AGAP1: variants seen among roughly 807,000 people sequenced by gnomAD.
AGAP1 encodes the protein arf-GAP with GTPase, ANK repeat and PH domain-containing protein 1.
Under a neutral mutation model 105.3 loss-of-function variants are expected in AGAP1, and 29 were observed. That is an observed-to-expected ratio of 0.28 (90% CI 0.21 to 0.38). AGAP1 has a LOEUF of 0.38. AGAP1 is among the 10% of genes least tolerant of loss of function. The probability of loss-of-function intolerance (pLI) is 1.00; values close to 1 mark genes in which losing one functional copy is unlikely to be tolerated. For missense variants in AGAP1, 998 were observed against 1,165.1 expected (o/e 0.86, Z 2.09); for synonymous variants, 509 against 485.9 (o/e 1.05, Z -0.63).
In AGAP1 at chr2:235,787,399, T is replaced by G. The variant is rs1230163501; in HGVS notation, c.674-10360T>G. On this transcript the variant is annotated intron_variant, in intron 6 of 17. Transcript: ENST00000304032. This position sits in a 1 kb window ranked among gnomAD's most constrained non-coding sequence, Gnocchi z 4.4. ...TTTCTCAGTATTTCCCCCTTGCAGA[T>G]TATTCCTTCTTTGTCTGCATCATAG... 1.3e-5 allele frequency among the ~76,000 whole-genome samples: 2 copies of G among 152,240 alleles called. No homozygotes were observed. Among genetic ancestry groups the G allele is most frequent in the African/African-American group, 4.8e-5 (2 of 41,460 alleles).
intron 15 of AGAP1, among the ~76,000 whole-genome samples, chr2:236,048,144 T>C (rs2057778666): frequency 6.6e-6 from 1 of 152,190 alleles, no homozygotes; most frequent in Non-Finnish European, 1.5e-5. Flanking sequence ...GAGTAAGCCG[T>C]ATTTACTTAA....
chr2:235,837,093 C>G (rs975469143), intron 9 of AGAP1, among the ~76,000 whole-genome samples: 1 of 152,216 alleles, frequency 6.6e-6, no homozygotes, highest in Non-Finnish European at 1.5e-5. Flanking sequence ...TCAAGAGATT[C>G]TCCTGCCTCA....
rs183214591 is a variant in AGAP1, at chr2:236,009,571, G to A, written c.1646-26990G>A. Among the ~76,000 whole-genome samples the A allele has an allele frequency of 6.6e-6, 1 of 152,308 alleles. No individual in the cohort carries two copies. The highest frequency in any genetic ancestry group is 1.9e-4 in the East Asian group (1 of 5,188). On this transcript the variant is annotated intron_variant, in intron 13 of 17. Transcript: ENST00000304032. The surrounding 1 kb of genome is among the most constrained non-coding windows in gnomAD (Gnocchi z 4.2). ...CAAGGTGATCATTTGACTTTTCTTAGAGGTACAAATTTACGCTCCCTTCTA... is the reference window on the plus strand; with the variant it reads ...CAAGGTGATCATTTGACTTTTCTTAAAGGTACAAATTTACGCTCCCTTCTA...
intron 13 of AGAP1, among the ~76,000 whole-genome samples, chr2:236,010,306 A>C (rs1157149183): frequency 1.3e-5 from 2 of 152,230 alleles, no homozygotes; most frequent in African/African-American, 2.4e-5. Context: ...AGAAAGACGT[A>C]GTAAGCTGCA....
chr2:235,812,198 G>T (rs1479022888), intron 9 of AGAP1, among the ~76,000 whole-genome samples: 1 of 151,922 alleles, frequency 6.6e-6, no homozygotes, highest in Non-Finnish European at 1.5e-5. Context: ...TTTTGACCTT[G>T]AACCCTGATG....
At chr2:235,679,962 T>C (rs557817756) in intron 1 of AGAP1, among the ~76,000 whole-genome samples, 1 of 152,374 alleles carries the variant, frequency 6.6e-6, no homozygotes, top group Non-Finnish European at 1.5e-5. Flanking sequence ...TGGATCTGTG[T>C]TGTACTGACG....
rs932867990 is a variant in AGAP1 at position 235,906,958 on chromosome 2, G to A, written c.1156-1780G>A. On this transcript the variant is annotated intron_variant, in intron 10 of 17. Coordinates refer to ENST00000304032, the MANE Select transcript of AGAP1 (RefSeq NM_001037131.3). The surrounding 1 kb of genome is among the most constrained non-coding windows in gnomAD (Gnocchi z 5.3). ...TTGAATCCGGAAGGCAGAGGTTACAGTGAGCTGAGTTCATGCCACTCCACT... is the reference window on the plus strand; with the variant it reads ...TTGAATCCGGAAGGCAGAGGTTACAATGAGCTGAGTTCATGCCACTCCACT... Among the ~76,000 whole-genome samples the A allele has an allele frequency of 1.3e-5, 2 of 152,222 alleles. No homozygotes were observed. The highest frequency in any genetic ancestry group is 4.8e-5 in the African/African-American group (2 of 41,458).
At position 236,045,061 on chromosome 2, in the gene AGAP1, C is replaced by G. The variant is rs764634421; in HGVS notation, c.1892-3998C>G. ...TCCTGAGCAGCTGTGACTACATGTG[C>G]GTGCCACCACGCCGACCTGATTTTT... is the stretch of plus-strand genomic sequence containing the variant. On this transcript the variant is annotated intron_variant, in intron 15 of 17. Transcript: ENST00000304032. The surrounding 1 kb of genome is among the most constrained non-coding windows in gnomAD (Gnocchi z 6.9). Among the ~76,000 whole-genome samples the G allele has an allele frequency of 2.6e-5, 4 of 152,116 alleles. No individual in the cohort carries two copies. The highest frequency in any genetic ancestry group is 6.5e-5 in the Admixed American group (1 of 15,272).
chr2:235,513,522 G>GAAA (rs5839595), intron 1 of AGAP1, among the ~76,000 whole-genome samples: 99 of 72,834 alleles, frequency 1.4e-3, no homozygotes, highest in African/African-American at 1.7e-3. Context: ...CTCCGTCTCA[G>GAAA]AAAAAAAAAA....
rs1943769879 is a variant in AGAP1, at chr2:235,550,498, G to A, written c.163+55649G>A. 6.6e-6 allele frequency among the ~76,000 whole-genome samples: 1 copy of A among 152,192 alleles called. No homozygotes were observed. The highest frequency in any genetic ancestry group is 6.5e-5 in the Admixed American group (1 of 15,288). On this transcript the variant is annotated intron_variant, in intron 1 of 17. Coordinates refer to ENST00000304032, the MANE Select transcript of AGAP1 (RefSeq NM_001037131.3). This position sits in a 1 kb window ranked among gnomAD's most constrained non-coding sequence, Gnocchi z 4.6. ...TCACAGCAGTGTCAGTGCCTGCCCAGAGTGTGCTAGAATGCCAGTTCTTGG... is the reference window on the plus strand; with the variant it reads ...TCACAGCAGTGTCAGTGCCTGCCCAAAGTGTGCTAGAATGCCAGTTCTTGG...
chr2:236,064,732 C>A (rs1042238125), intron 16 of AGAP1, among the ~76,000 whole-genome samples: 3 of 152,218 alleles, frequency 2.0e-5, no homozygotes, highest in Non-Finnish European at 4.4e-5. Flanking sequence ...ATCCTTTAAA[C>A]AGCACGTGAA....
intron 13 of AGAP1, among the ~76,000 whole-genome samples, chr2:236,019,747 T>C (rs2056828897): frequency 6.6e-6 from 1 of 152,206 alleles, no homozygotes; most frequent in African/African-American, 2.4e-5. Context: ...GATCCACAGA[T>C]CTGCAGACAG....
rs1306807921 is a variant in AGAP1 at position 235,777,919 on chromosome 2, G to A, written c.674-19840G>A. On this transcript the variant is annotated intron_variant, in intron 6 of 17. Coordinates refer to ENST00000304032, the MANE Select transcript of AGAP1 (RefSeq NM_001037131.3). This position sits in a 1 kb window ranked among gnomAD's most constrained non-coding sequence, Gnocchi z 5.1. The stretch of plus-strand genomic sequence containing the variant: ...TTTCTGTACCTTTGAAATGTTTGTA[G>A]TGGTTGGAAGGAGGGGACTTCCTTG... Among the ~76,000 whole-genome samples the A allele has an allele frequency of 1.3e-5, 2 of 152,174 alleles. 1 individual carries two copies. Among genetic ancestry groups the A allele is most frequent in the East Asian group, 3.9e-4 (2 of 5,194 alleles).
In AGAP1 at chr2:236,121,136, A is replaced by G. The variant is rs1338955956; in HGVS notation, c.2370+689A>G. 1.3e-5 allele frequency among the ~76,000 whole-genome samples: 2 copies of G among 152,156 alleles called. No individual in the cohort carries two copies. The highest frequency in any genetic ancestry group is 2.9e-5 in the Non-Finnish European group (2 of 68,018). On this transcript the variant is annotated intron_variant, in intron 17 of 17. Transcript: ENST00000304032. This position sits in a 1 kb window ranked among gnomAD's most constrained non-coding sequence, Gnocchi z 4.9. ...GGGAGGCTCCCCAGATAGGGAAGGC[A>G]AGTGTGTGCCCAGAAGTGGAGACAG... is the stretch of plus-strand genomic sequence containing the variant.
chr2:235,973,425 C>G lies in AGAP1; in HGVS notation c.1645+4802C>G, dbSNP rs948321432. 6.6e-6 allele frequency among the ~76,000 whole-genome samples: 1 copy of G among 152,184 alleles called. No individual in the cohort carries two copies. Among genetic ancestry groups the G allele is most frequent in the Non-Finnish European group, 1.5e-5 (1 of 68,032 alleles). On this transcript the variant is annotated intron_variant, in intron 13 of 17. Coordinates refer to ENST00000304032, the MANE Select transcript of AGAP1 (RefSeq NM_001037131.3). This position sits in a 1 kb window ranked among gnomAD's most constrained non-coding sequence, Gnocchi z 4.7. ...GATGTGTGGATGACAGAGCCCGTCGCTAGGCTCTTATGTCACAGATGGGCT... is the reference window on the plus strand; with the variant it reads ...GATGTGTGGATGACAGAGCCCGTCGGTAGGCTCTTATGTCACAGATGGGCT...
intron 9 of AGAP1, among the ~76,000 whole-genome samples, chr2:235,834,308 T>C (rs1171845603): frequency 6.6e-6 from 1 of 152,190 alleles, no homozygotes; most frequent in Admixed American, 6.5e-5. Flanking sequence ...TTTTATTTCA[T>C]AGGGACACAC....
rs1332026751 is a variant in AGAP1, at chr2:235,928,072, T to C, written c.1325-2693T>C. The stretch of plus-strand genomic sequence containing the variant: ...GGCCCAGAAGTGCCTGGCACAGCAG[T>C]CAGGGTCCCAGCAAGGGAGGTGCCC... On this transcript the variant is annotated intron_variant, in intron 11 of 17. Transcript: ENST00000304032. Among the ~76,000 whole-genome samples, 4 of 152,118 alleles carry C rather than the reference T, an allele frequency of 2.6e-5. No homozygotes were observed. In the South Asian group the frequency reaches 6.2e-4, roughly 24 times the overall value.
intron 16 of AGAP1, among the ~76,000 whole-genome samples, chr2:236,068,133 G>A (rs961710116): frequency 3.9e-5 from 6 of 152,136 alleles, no homozygotes; most frequent in East Asian, 1.9e-4. Context: ...TTAGCTGGGC[G>A]TTGTGGCATG....
intron 6 of AGAP1, among the ~76,000 whole-genome samples, chr2:235,783,589 T>A (rs958032972): frequency 2.6e-5 from 4 of 152,204 alleles, no homozygotes; most frequent in African/African-American, 9.6e-5. Flanking sequence ...TTTATGGACG[T>A]ACCCACAAAA....
Sources: gnomAD v4.1 joint callset for allele counts (sites outside exome capture counted in the v4.1 genomes callset) on GRCh38, gnomAD v4.1.1 for gene constraint, Gnocchi (gnomAD v3.1) non-coding constraint, MANE v1.5 for transcripts, NCBI Gene and HGNC (gene_info 2026-07-23, HGNC 2026-07-21) for gene names.